Variants in STIMATE observed in about 807,000 individuals in gnomAD.
STIMATE encodes the protein store-operated calcium entry regulator STIMATE.
In STIMATE, 15 loss-of-function variants were observed where a neutral mutation model predicts 36.7. The ratio of observed to expected loss-of-function variants is 0.41; its 90% CI spans 0.27 to 0.63. STIMATE has a LOEUF of 0.63. STIMATE is among the 20% of genes least tolerant of loss of function. STIMATE has a pLI of 0.32. For synonymous variants in STIMATE, 163 were observed against 162.3 expected (o/e 1.00, Z -0.03); for missense variants, 305 against 397.3 (o/e 0.77, Z 1.98).
At position 52,838,591 on chromosome 3, in the gene STIMATE, G is replaced by A. The variant is rs1489171080; in HGVS notation, c.*1903C>T. On this transcript the variant is annotated 3_prime_UTR_variant, in exon 8 of 8. Transcript: ENST00000355083. ...GGCTACCATAGCTGTGGATGGGAGG[G>A]AGCACAAAGTCAATCCGAGCAGGAA... 6.6e-6 allele frequency: 1 copy of A among 152,216 alleles called. No homozygotes were observed. The highest frequency in any genetic ancestry group is 2.4e-5 in the African/African-American group (1 of 41,446). The allele number at this position is 152,216 out of a possible 1,614,324, so 9.4% of individuals were successfully genotyped here.
intron 1 of STIMATE, among the ~76,000 whole-genome samples, chr3:52,872,614 T>C (rs1333884352): frequency 6.6e-6 from 1 of 152,214 alleles, no homozygotes; most frequent in Non-Finnish European, 1.5e-5. Flanking sequence ...ACCTGATTTT[T>C]AATTATCTAT....
Position 52,836,816 on chromosome 3 carries a change from T to C in STIMATE, c.*3678A>G. ...TGTAAGTACATCATCTTCTCTTTCA[T>C]TTCAAAAAAACGTTTCCATGAATCC... On this transcript the variant is annotated 3_prime_UTR_variant, in exon 8 of 8. Coordinates refer to ENST00000355083, the MANE Select transcript of STIMATE (RefSeq NM_198563.5). The C allele has an allele frequency of 3.6e-6, 1 of 281,048 alleles. No homozygotes were observed. Among genetic ancestry groups the C allele is most frequent in the Non-Finnish European group, 7.3e-6 (1 of 137,074 alleles). 17.4% of individuals were successfully genotyped at this position (281,048 alleles called of 1,614,324 possible).
intron 1 of STIMATE, among the ~76,000 whole-genome samples, chr3:52,877,878 G>A (rs1355631952): frequency 6.6e-6 from 1 of 152,088 alleles, no homozygotes; most frequent in African/African-American, 2.4e-5. Flanking sequence ...GGCAGATCAC[G>A]AGGTCAGGAG....
At chr3:52,855,900 A>G (rs1189753673) in intron 1 of STIMATE, among the ~76,000 whole-genome samples, 1 of 152,252 alleles carries the variant, frequency 6.6e-6, no homozygotes, top group Non-Finnish European at 1.5e-5. Flanking sequence ...CTAGACACGT[A>G]CATATCACAT....
intron 1 of STIMATE, among the ~76,000 whole-genome samples, chr3:52,878,925 T>G (rs996968765): frequency 1.3e-5 from 2 of 152,158 alleles, no homozygotes; most frequent in African/African-American, 4.8e-5. Context: ...CCAACGGCAG[T>G]GCAAGTGCAC....
chr3:52,866,015 A>C (rs1353639572), intron 1 of STIMATE, among the ~76,000 whole-genome samples: 1 of 152,144 alleles, frequency 6.6e-6, no homozygotes, highest in East Asian at 1.9e-4. Flanking sequence ...GGCATCCCAC[A>C]GTGTGGCTGT....
intron 4 of STIMATE, among the ~76,000 whole-genome samples, chr3:52,846,930 G>T (rs1222516470): frequency 6.6e-6 from 1 of 152,132 alleles, no homozygotes; most frequent in Non-Finnish European, 1.5e-5. Flanking sequence ...TAGAGATGGG[G>T]TCTCACTCTG....
chr3:52,870,361 G>C (rs906126090), intron 1 of STIMATE, among the ~76,000 whole-genome samples: 1 of 152,112 alleles, frequency 6.6e-6, no homozygotes, highest in African/African-American at 2.4e-5. Context: ...ACGATCACTG[G>C]TGGTTGTATC....
chr3:52,846,084 C>T (rs1000117991), intron 4 of STIMATE, among the ~76,000 whole-genome samples: 2 of 152,248 alleles, frequency 1.3e-5, no homozygotes, highest in Non-Finnish European at 2.9e-5. Flanking sequence ...GGCCCATGCC[C>T]TGCCCAAGCC....
At chr3:52,895,946 C>T (rs1701858127) in intron 1 of STIMATE, 1 of 1,289,740 alleles carries the variant, frequency 7.8e-7, no homozygotes, top group Non-Finnish European at 1.0e-6. Context: ...TAAGTTGTCA[C>T]AAATTATTAC....
intron 1 of STIMATE, among the ~76,000 whole-genome samples, chr3:52,858,793 T>C (rs891291139): frequency 1.3e-5 from 2 of 152,172 alleles, no homozygotes; most frequent in African/African-American, 2.4e-5. Flanking sequence ...CTGAAACTGA[T>C]GCCTGTCGGT....
chr3:52,858,834 A>G (rs1160187222), intron 1 of STIMATE, among the ~76,000 whole-genome samples: 1 of 152,128 alleles, frequency 6.6e-6, no homozygotes, highest in African/African-American at 2.4e-5. Flanking sequence ...CACAGTACAT[A>G]CGTTCAATAC....
chr3:52,857,455 A>G (rs1701125765), intron 1 of STIMATE, among the ~76,000 whole-genome samples: 1 of 152,006 alleles, frequency 6.6e-6, no homozygotes, highest in Non-Finnish European at 1.5e-5. Context: ...CCAGGACAAA[A>G]CTGTTTGGAG....
intron 7 of STIMATE, among the ~76,000 whole-genome samples, chr3:52,842,528 C>T (rs1700814655): frequency 6.6e-6 from 1 of 152,264 alleles, no homozygotes; most frequent in South Asian, 2.1e-4. Flanking sequence ...GAACTTCCCT[C>T]TCCTGTCTGT....
At chr3:52,868,252 G>T (rs187671459) in intron 1 of STIMATE, among the ~76,000 whole-genome samples, 182 of 152,284 alleles carry the variant, frequency 1.2e-3, no homozygotes, top group African/African-American at 4.2e-3. Context: ...ATTCTTCCTT[G>T]CTAAGAGAAG....
At chr3:52,889,578 G>A (rs1234279099) in intron 1 of STIMATE, among the ~76,000 whole-genome samples, 1 of 152,146 alleles carries the variant, frequency 6.6e-6, no homozygotes, top group Non-Finnish European at 1.5e-5. Context: ...TCTATAAGAC[G>A]GAGATACTAT....
intron 1 of STIMATE, among the ~76,000 whole-genome samples, chr3:52,878,636 G>C (rs1386451136): frequency 3.3e-5 from 5 of 152,174 alleles, no homozygotes; most frequent in Non-Finnish European, 1.5e-5. Context: ...CTCCCTGATT[G>C]TCTCGTGAGC....
chr3:52,852,493 G>T, intron 3 of STIMATE, 110 bp downstream of exon 3: 2 of 1,364,002 alleles, frequency 1.5e-6, no homozygotes, highest in Non-Finnish European at 1.0e-6. Context: ...GAAAAGGGGA[G>T]CACCCTCTCC....
chr3:52,865,916 C>T (rs956090899), intron 1 of STIMATE, among the ~76,000 whole-genome samples: 5 of 150,836 alleles, frequency 3.3e-5, no homozygotes, highest in Non-Finnish European at 5.9e-5. Flanking sequence ...TGGGGGGACA[C>T]AAACCGTCAC....
Sources: gnomAD v4.1 joint callset for allele counts (sites outside exome capture counted in the v4.1 genomes callset) on GRCh38, gnomAD v4.1.1 for gene constraint, MANE v1.5 for transcripts, NCBI Gene and HGNC (gene_info 2026-07-23, HGNC 2026-07-21) for gene names.